The following ABCA8 variants were observed in gnomAD, a reference collection of about 807,000 sequenced individuals.
ABCA8 encodes the protein ATP binding cassette subfamily A member 8, also known as ABC-type organic anion transporter ABCA8.
In ABCA8, 177 loss-of-function variants were observed where a neutral mutation model predicts 192.3. The observed-to-expected ratio is 0.92, with a 90% CI of 0.81 to 1.04. ABCA8 has a LOEUF of 1.04. Among genes scored for constraint, ABCA8 ranks in the 50% least tolerant of loss-of-function variants. The pLI is 0.00. For synonymous variants in ABCA8, 642 were observed against 690.2 expected (o/e 0.93, Z 1.09); for missense variants, 1,915 against 1,904.8 (o/e 1.01, Z -0.10).
Position 68,882,738 on chromosome 17 carries a change from A to T in ABCA8, c.3708-19T>A. 6.2e-7 allele frequency: 1 copy of T among 1,601,376 alleles called. No homozygotes were observed. The highest frequency in any genetic ancestry group is 8.5e-7 in the Non-Finnish European group (1 of 1,175,490). On this transcript the variant is annotated intron_variant, in intron 29 of 39. Coordinates refer to ENST00000586539, the MANE Select transcript of ABCA8 (RefSeq NM_001288985.2). ...AGAAATTCTAGAGTCAAAACCATCC[A>T]TTAATATTGATTTCTGGCTTTCATC...
intron 24 of ABCA8, among the ~76,000 whole-genome samples, chr17:68,889,166 T>C (rs557390026): frequency 6.6e-6 from 1 of 152,304 alleles, no homozygotes; most frequent in South Asian, 2.1e-4. Flanking sequence ...ATACACTCTT[T>C]TTGTGGGCAA....
intron 12 of ABCA8, 127 bp from the exon 13 acceptor site, chr17:68,921,619 A>G (rs1223915615): frequency 4.0e-6 from 2 of 502,724 alleles, no homozygotes; most frequent in Non-Finnish European, 7.0e-6. Context: ...TGTCTTTTCT[A>G]TATATAAATA....
intron 17 of ABCA8, among the ~76,000 whole-genome samples, chr17:68,915,085 C>T (rs2067321724): frequency 1.3e-5 from 2 of 152,058 alleles, no homozygotes; most frequent in African/African-American, 4.8e-5. Flanking sequence ...TATCCATATG[C>T]AGAAGAATGA....
At chr17:68,886,956 G>A (rs1598200728) in intron 26 of ABCA8, 61 bp downstream of exon 26, 2 of 1,204,134 alleles carry the variant, frequency 1.7e-6, no homozygotes, top group Non-Finnish European at 2.4e-6. Context: ...AAAATTTAAA[G>A]GATTAGCTCA....
rs1213511232 is a variant in ABCA8 at position 68,869,747 on chromosome 17, A to G, written c.4664T>C (p.Val1555Ala). ...TTGGGCTAAAGGTTGCACATCTTCC[A>G]CTGGCAACTTATAAACCATCAGAGA... ...YSSLMVYKLP[V>A]EDVQPLAQAF... is the part of the protein sequence containing the mutation. Residue 1555 changes from valine (V) to alanine (A), a missense_variant, in exon 38 of 40, where the codon GTG (valine) becomes GCG (alanine). Val to Ala is a moderately conservative substitution (Grantham distance 64). Transcript: ENST00000586539. The G allele has an allele frequency of 6.2e-7, 1 of 1,613,222 alleles. No individual in the cohort carries two copies. The highest frequency in any genetic ancestry group is 1.7e-5 in the Admixed American group (1 of 59,982).
At chr17:68,904,982 A>T (rs2143505912) in intron 19 of ABCA8, among the ~76,000 whole-genome samples, 1 of 152,366 alleles carries the variant, frequency 6.6e-6, no homozygotes, top group Non-Finnish European at 1.5e-5. Flanking sequence ...AGAGAAATAT[A>T]TAGAATTTTT....
At chr17:68,903,622 G>T in intron 19 of ABCA8, 123 bp from the exon 20 acceptor site, 1 of 789,394 alleles carries the variant, frequency 1.3e-6, no homozygotes, top group Non-Finnish European at 2.0e-6. Flanking sequence ...GGTTTTGCTG[G>T]TTACTGCCTT....
At position 68,922,020 on chromosome 17, in the gene ABCA8, C is replaced by A. The variant is rs4147986; in HGVS notation, c.1501+222G>T. On this transcript the variant is annotated intron_variant, in intron 12 of 39. Transcript: ENST00000586539. The stretch of plus-strand genomic sequence containing the variant: ...AATACATCTATTTCTAAAACATATT[C>A]ATTTTTTTCTAACTTTTATAAAGTA... Among the ~76,000 whole-genome samples the A allele has an allele frequency of 2.0e-3, 307 of 151,846 alleles. 5 individuals are homozygous for A. In the East Asian group the frequency reaches 0.051, roughly 25 times the overall value.
At chr17:68,904,543 A>T (rs1206983900) in intron 19 of ABCA8, among the ~76,000 whole-genome samples, 1 of 152,086 alleles carries the variant, frequency 6.6e-6, no homozygotes, top group Non-Finnish European at 1.5e-5. Flanking sequence ...TGGCAGAAAA[A>T]GGAAAAAGGA....
At chr17:68,908,917 C>A in intron 17 of ABCA8, among the ~76,000 whole-genome samples, 1 of 152,220 alleles carries the variant, frequency 6.6e-6, no homozygotes, top group East Asian at 1.9e-4. Context: ...ACTTGACAAG[C>A]CCTTAAAAAT....
intron 12 of ABCA8, 21 bp downstream of exon 12, chr17:68,922,221 T>TACA: frequency 9.8e-6 from 1 of 102,252 alleles, no homozygotes; most frequent in Non-Finnish European, 1.8e-5. Context: ...TTTTTTTTTT[T>TACA]TTTTTTTTTT....
intron 17 of ABCA8, among the ~76,000 whole-genome samples, chr17:68,912,546 C>T (rs751360476): frequency 6.6e-5 from 10 of 151,978 alleles, no homozygotes; most frequent in Non-Finnish European, 1.5e-4. Flanking sequence ...GGGATAATAA[C>T]AGAGAACATT....
At position 68,887,375 on chromosome 17, in the gene ABCA8, G is replaced by A. The variant is rs1270966251; in HGVS notation, c.3276C>T (p.Asn1092=). ...TTATTGTAAGTAGCATGTCTTCGAA[G>A]TTTGAAATGTAGCTCATTAAATATA... The part of the protein sequence containing the change: ...VFIYLMSYIS[N]FEDMLLTIIH... The change falls in exon 25 of 40, where the codon AAC becomes AAT. Residue 1092 remains asparagine, a synonymous_variant. Transcript: ENST00000586539. The A allele has an allele frequency of 6.2e-7, 1 of 1,611,522 alleles. No homozygotes were observed. The highest frequency in any genetic ancestry group is 2.2e-5 in the East Asian group (1 of 44,856).
Position 68,885,287 on chromosome 17 carries a change from G to A in ABCA8, c.3458C>T (p.Ala1153Val), listed in dbSNP as rs1458655055. The change falls in exon 27 of 40, where the codon GCG becomes GTG. Residue 1153 changes from alanine (A) to valine (V), a missense_variant. Transcript: ENST00000586539. ...VVTVFSVAGF[A>V]FSIFESDIPF... ...AATATCACTTTCGAAGATACTGAAC[G>A]CAAATCCAGCCACAGAGAATACAGT... is the stretch of plus-strand genomic sequence containing the variant. The A allele has an allele frequency of 6.2e-6, 10 of 1,612,282 alleles. No individual in the cohort carries two copies. Among genetic ancestry groups the A allele is most frequent in the South Asian group, 3.3e-5 (3 of 90,748 alleles).
At chr17:68,895,650 G>T (rs1377121297) in intron 21 of ABCA8, among the ~76,000 whole-genome samples, 1 of 152,170 alleles carries the variant, frequency 6.6e-6, no homozygotes, top group Non-Finnish European at 1.5e-5. Flanking sequence ...TGTAATAGAA[G>T]CTTCACTCTG....
chr17:68,890,982 C>T (rs1311424480), intron 24 of ABCA8, among the ~76,000 whole-genome samples: 2 of 152,234 alleles, frequency 1.3e-5, no homozygotes, highest in East Asian at 1.9e-4. Flanking sequence ...GTGCATGTGA[C>T]GGATGTTAAG....
At position 68,883,849 on chromosome 17, in the gene ABCA8, G is replaced by C; in HGVS notation, c.3649C>G (p.Leu1217Val). The C allele has an allele frequency of 6.3e-7, 1 of 1,595,066 alleles. No individual in the cohort carries two copies. The highest frequency in any genetic ancestry group is 8.5e-7 in the Non-Finnish European group (1 of 1,172,048). ...FLHFIIFLFT[L>V]RCLEWKFGKK... ...CCAAACTTCCATTCCAGACATCGAA[G>C]AGTAAAAAGAAAAATGATAAAATGA... The change falls in exon 29 of 40, where the codon CTT becomes GTT. Residue 1217 changes from leucine to valine, a missense_variant. By Grantham distance (32) the Leu-to-Val change is conservative (BLOSUM62 1). Transcript: ENST00000586539.
At chr17:68,912,355 G>A (rs913448264) in intron 17 of ABCA8, among the ~76,000 whole-genome samples, 8 of 151,926 alleles carry the variant, frequency 5.3e-5, no homozygotes, top group Non-Finnish European at 1.5e-5. Context: ...TCAAGCAGAA[G>A]AATCAATGAG....
intron 32 of ABCA8, chr17:68,879,374 T>C (rs1284317079): frequency 6.6e-6 from 1 of 152,240 alleles, no homozygotes; most frequent in Non-Finnish European, 1.5e-5. Flanking sequence ...ATAAATAGGA[T>C]GTGTGTGAAT....
Sources: allele counts gnomAD v4.1 joint callset (sites outside exome capture counted in the v4.1 genomes callset), GRCh38; gene constraint gnomAD v4.1.1; transcripts MANE v1.5; gene names NCBI Gene and HGNC (gene_info 2026-07-23, HGNC 2026-07-21).